CD53: variants seen among roughly 807,000 people sequenced by gnomAD.
CD53 encodes the protein CD53 molecule.
CD53 carries 20 observed loss-of-function variants against 27.3 expected under a neutral mutation model. That is an observed-to-expected ratio of 0.73 (90% CI 0.52 to 1.07). The LOEUF is 1.07. Ranked by LOEUF, CD53 falls within the 50% of genes least tolerant of loss-of-function variation. The pLI is 0.00. For missense variants in CD53, 216 were observed against 264.0 expected (o/e 0.82, Z 1.26); for synonymous variants, 106 against 105.3 (o/e 1.01, Z -0.04).
chr1:110,897,463 T>C (rs1241686091), intron 6 of CD53, among the ~76,000 whole-genome samples: 1 of 152,216 alleles, frequency 6.6e-6, no homozygotes, highest in Non-Finnish European at 1.5e-5. Context: ...AAACCAATTT[T>C]AGTATTGCAT....
chr1:110,886,629 A>G (rs1656614218), intron 1 of CD53, among the ~76,000 whole-genome samples: 1 of 151,900 alleles, frequency 6.6e-6, no homozygotes, highest in Non-Finnish European at 1.5e-5. Flanking sequence ...TGGGTGGGTC[A>G]CTTGAGGTCA....
At chr1:110,885,494 C>T (rs556560122) in intron 1 of CD53, among the ~76,000 whole-genome samples, 5 of 151,900 alleles carry the variant, frequency 3.3e-5, no homozygotes, top group African/African-American at 9.7e-5. Flanking sequence ...GCCGAGATCG[C>T]GCCACTGCAC....
Position 110,899,362 on chromosome 1 carries a change from C to T in CD53, c.*167C>T. Reference sequence around the variant, plus strand: ...AGAAGTGGGTGTTGGCCAGGCACATCCCATCTCAGGCAGCAAGACAATCTT... The same window carrying T: ...AGAAGTGGGTGTTGGCCAGGCACATTCCATCTCAGGCAGCAAGACAATCTT... On this transcript the variant is annotated 3_prime_UTR_variant, in exon 8 of 8. Coordinates refer to ENST00000271324, the MANE Select transcript of CD53 (RefSeq NM_000560.4). 1.8e-6 allele frequency: 1 copy of T among 553,138 alleles called. No individual in the cohort carries two copies. Among genetic ancestry groups the T allele is most frequent in the Non-Finnish European group, 3.2e-6 (1 of 308,274 alleles). The allele number at this position is 553,138 out of a possible 1,614,324, so 34.3% of individuals were successfully genotyped here.
At chr1:110,884,348 A>G (rs1656480787) in intron 1 of CD53, among the ~76,000 whole-genome samples, 1 of 152,068 alleles carries the variant, frequency 6.6e-6, no homozygotes, top group Non-Finnish European at 1.5e-5. Flanking sequence ...TGCTAATTCA[A>G]TTCCTTCTAA....
chr1:110,886,870 T>TATATATATATATATATATA (rs1491267172), intron 1 of CD53, among the ~76,000 whole-genome samples: 2 of 35,514 alleles, frequency 5.6e-5, no homozygotes, highest in African/African-American at 1.1e-4. Context: ...TATATATATA[T>TATATATATATATATATATA]TTTTTTTTTC....
chr1:110,892,352 G>C lies in CD53; in HGVS notation c.71G>C (p.Gly24Ala), dbSNP rs760902205. Residue 24 changes from glycine (G) to alanine (A), a missense_variant, in exon 3 of 8, where the codon GGC becomes GCC. By Grantham distance (60) the Gly-to-Ala change is moderately conservative. Transcript: ENST00000271324. ...TGGGATTCTTCCTTTCAGATCTGTG[G>C]CTGCTGCATTTTGGGCTTTGGGATC... ...FFFNLLFWIC[G>A]CCILGFGIYL... 15 of 1,613,630 alleles carry C rather than the reference G, an allele frequency of 9.3e-6. No homozygotes were observed. Among genetic ancestry groups the C allele is most frequent in the Non-Finnish European group, 1.3e-5 (15 of 1,179,570 alleles).
chr1:110,888,228 G>A (rs968706028), intron 1 of CD53, among the ~76,000 whole-genome samples: 1 of 152,182 alleles, frequency 6.6e-6, no homozygotes, highest in Non-Finnish European at 1.5e-5. Flanking sequence ...GCTAAGGCAC[G>A]AAGTTTGTGG....
chr1:110,871,886 A>T (rs920412463), upstream of CD53, among the ~76,000 whole-genome samples: 5 of 151,946 alleles, frequency 3.3e-5, no homozygotes, highest in Non-Finnish European at 5.9e-5. Flanking sequence ...GGAGAAATCT[A>T]TATATTATTT....
At chr1:110,875,296 A>G (rs1442453343) in intron 1 of CD53, among the ~76,000 whole-genome samples, 1 of 152,178 alleles carries the variant, frequency 6.6e-6, no homozygotes, top group African/African-American at 2.4e-5. Context: ...TTGGCACCAG[A>G]AAGTGGAGGG....
In CD53 at chr1:110,896,668, A is replaced by G. The variant is rs1657077989; in HGVS notation, c.439A>G (p.Ile147Val). 1 of 1,613,352 alleles carries G rather than the reference A, an allele frequency of 6.2e-7. No homozygotes were observed. The highest frequency in any genetic ancestry group is 8.5e-7 in the Non-Finnish European group (1 of 1,179,730). ...TGGCTTTTAGCTGCAGTGTTGTGGT[A>G]TAAATGGCACGAGTGATTGGACCAG... ...SIQSFLQCCG[I>V]NGTSDWTSGP... Residue 147 changes from isoleucine (I) to valine (V), a missense_variant, in exon 6 of 8, where the codon ATA becomes GTA. By Grantham distance (29) the Ile-to-Val change is conservative (BLOSUM62 3). Transcript: ENST00000271324.
chr1:110,873,208 T>A lies in CD53; in HGVS notation c.-58T>A, dbSNP rs931535204. On this transcript the variant is annotated 5_prime_UTR_variant, in exon 1 of 8. Coordinates refer to ENST00000271324, the MANE Select transcript of CD53 (RefSeq NM_000560.4). ...TCTCGGCCACCTCAAGGATAATCACTAAATTCTGCCGAAAGGACTGAGGAA... is the reference window on the plus strand; with the variant it reads ...TCTCGGCCACCTCAAGGATAATCACAAAATTCTGCCGAAAGGACTGAGGAA... 5 of 152,580 alleles carry A rather than the reference T, an allele frequency of 3.3e-5. No individual in the cohort carries two copies. The highest frequency in any genetic ancestry group is 1.2e-4 in the African/African-American group (5 of 41,418). 9.5% of individuals were successfully genotyped at this position (152,580 alleles called of 1,614,324 possible).
At chr1:110,896,769 T>G in intron 6 of CD53, 36 bp downstream of exon 6, 3 of 1,559,030 alleles carry the variant, frequency 1.9e-6, no homozygotes, top group Non-Finnish European at 2.6e-6. Context: ...TATTGACCTC[T>G]TTGTTTAAAT....
At chr1:110,890,482 A>G (rs986917299) in intron 1 of CD53, among the ~76,000 whole-genome samples, 1 of 152,062 alleles carries the variant, frequency 6.6e-6, no homozygotes, top group African/African-American at 2.4e-5. Flanking sequence ...TGGGAGGATC[A>G]CTTGAGCCTG....
intron 1 of CD53, among the ~76,000 whole-genome samples, chr1:110,886,334 A>C (rs1010985837): frequency 6.6e-6 from 1 of 152,002 alleles, no homozygotes; most frequent in East Asian, 1.9e-4. Flanking sequence ...ACCTTAGTGT[A>C]GCTTTCTTCA....
rs758160372 is a variant in CD53, at chr1:110,892,417, A to G, written c.136A>G (p.Asn46Asp). 2 of 1,613,734 alleles carry G rather than the reference A, an allele frequency of 1.2e-6. No individual in the cohort carries two copies. Among genetic ancestry groups the G allele is most frequent in the African/African-American group, 2.7e-5 (2 of 74,860 alleles). ...CAACAACTTCGGAGTGCTCTTCCAT[A>G]ACCTCCCCTCCCTCACGCTGGGCAA... is the stretch of plus-strand genomic sequence containing the variant. ...IHNNFGVLFH[N>D]LPSLTLGNVF... The change falls in exon 3 of 8, where the codon AAC becomes GAC. Residue 46 changes from asparagine (N) to aspartate (D), a missense_variant. By Grantham distance (23) the Asn-to-Asp change is conservative. Coordinates refer to ENST00000271324, the MANE Select transcript of CD53 (RefSeq NM_000560.4).
At position 110,889,064 on chromosome 1, in the gene CD53, G is replaced by A. The variant is rs139040123; in HGVS notation, c.-17-2328G>A. The stretch of plus-strand genomic sequence containing the variant: ...AAAGGGCAACAGGAAGGATTCTCAA[G>A]AATTTGGAAATGAGGACTGGCAAAT... On this transcript the variant is annotated intron_variant, in intron 1 of 7. Transcript: ENST00000271324. Among the ~76,000 whole-genome samples, 1,004 of 152,222 alleles carry A rather than the reference G, an allele frequency of 6.6e-3. 4 individuals are homozygous for A. Among genetic ancestry groups the A allele is most frequent in the Middle Eastern group, 0.027 (8 of 294 alleles).
In CD53 at chr1:110,899,361, T is replaced by A. The variant is rs1657207115; in HGVS notation, c.*166T>A. ...GAGAAGTGGGTGTTGGCCAGGCACA[T>A]CCCATCTCAGGCAGCAAGACAATCT... On this transcript the variant is annotated 3_prime_UTR_variant, in exon 8 of 8. Transcript: ENST00000271324. The A allele has an allele frequency of 3.6e-6, 2 of 552,662 alleles. No individual in the cohort carries two copies. The highest frequency in any genetic ancestry group is 6.5e-6 in the Non-Finnish European group (2 of 308,126). 34.2% of individuals were successfully genotyped at this position (552,662 alleles called of 1,614,324 possible). A position where few individuals can be genotyped will look rare whatever the true frequency, so the allele number is the denominator to read the frequency against.
intron 2 of CD53, among the ~76,000 whole-genome samples, chr1:110,892,103 G>A (rs1224264833): frequency 3.3e-5 from 5 of 152,236 alleles, no homozygotes. Context: ...GTGGCTCACA[G>A]AAGTGATCTT....
intron 1 of CD53, among the ~76,000 whole-genome samples, chr1:110,880,073 T>C (rs1656295113): frequency 6.6e-6 from 1 of 152,202 alleles, no homozygotes; most frequent in Non-Finnish European, 1.5e-5. Flanking sequence ...TTGTGGAAGG[T>C]AGCCACAGTT....
Sources: allele counts gnomAD v4.1 joint callset (sites outside exome capture counted in the v4.1 genomes callset), GRCh38; gene constraint gnomAD v4.1.1; transcripts MANE v1.5; gene names NCBI Gene and HGNC (gene_info 2026-07-23, HGNC 2026-07-21).